Variants in ZNF10 observed in about 807,000 individuals in gnomAD.
ZNF10 encodes zinc finger protein 10 (KOX 1).
A neutral mutation model predicts 12.2 loss-of-function variants in ZNF10; 8 were observed. The observed-to-expected ratio is 0.66, with a 90% CI of 0.39 to 1.18. The LOEUF is 1.18. Among genes scored for constraint, ZNF10 ranks in the 50% most tolerant of loss-of-function variants. The pLI is 0.01. For missense variants in ZNF10, 603 were observed against 678.9 expected, an observed-to-expected ratio of 0.89 and a Z score of 1.24; for synonymous variants, 229 against 228.2, an observed-to-expected ratio of 1.00 and a Z score of -0.03.
chr12:133,157,642 A>T lies in ZNF10; in HGVS notation c.*674A>T, dbSNP rs976097958. 4.6e-5 allele frequency: 7 copies of T among 152,238 alleles called. No individual in the cohort carries two copies. Among genetic ancestry groups the T allele is most frequent in the African/African-American group, 1.7e-4 (7 of 41,464 alleles). 9.4% of individuals were successfully genotyped at this position (152,238 alleles called of 1,614,324 possible). A position where few individuals can be genotyped will look rare whatever the true frequency, so the allele number is the denominator to read the frequency against. On this transcript the variant is annotated 3_prime_UTR_variant, in exon 5 of 5. Coordinates refer to ENST00000248211, the MANE Select transcript of ZNF10 (RefSeq NM_015394.5). ...TAAGGAGATTTTGACTGAGTTTTAT[A>T]GTCTGTTTAATGTTGCTGTAATAAT...
intron 2 of ZNF10, among the ~76,000 whole-genome samples, chr12:133,147,695 G>A (rs955110823): frequency 2.1e-5 from 3 of 143,874 alleles, no homozygotes; most frequent in Admixed American, 7.1e-5. Context: ...TCACTGCAAC[G>A]TTTGCCTTCT....
intron 4 of ZNF10, among the ~76,000 whole-genome samples, 180 bp from the exon 5 acceptor site, chr12:133,155,323 T>C (rs1288017498): frequency 6.6e-6 from 1 of 152,198 alleles, no homozygotes; most frequent in Non-Finnish European, 1.5e-5. Context: ...GTGAGTACTG[T>C]ATACCACAAT....
intron 1 of ZNF10, among the ~76,000 whole-genome samples, chr12:133,140,811 T>A (rs1346209974): frequency 6.6e-6 from 1 of 152,186 alleles, no homozygotes; most frequent in Non-Finnish European, 1.5e-5. Flanking sequence ...GATTTAAGGG[T>A]TTCCTTTTCA....
Position 133,141,278 on chromosome 12 carries a change from A to G in ZNF10, c.-59-3156A>G, listed in dbSNP as rs1272416348. The stretch of plus-strand genomic sequence containing the variant: ...AAAGCTTAAGGAAATTTATAGTACT[A>G]TAAAAATATCCAGCATCCAATACAA... On this transcript the variant is annotated intron_variant, in intron 1 of 4. Transcript: ENST00000248211. 5.9e-5 allele frequency among the ~76,000 whole-genome samples: 9 copies of G among 152,356 alleles called. No individual in the cohort carries two copies. In the South Asian group the frequency reaches 1.0e-3, roughly 18 times the overall value.
chr12:133,156,433 A>C lies in ZNF10; in HGVS notation c.1187A>C (p.Gln396Pro). ...FRQSTHLILH[Q>P]RTHVRVRPYE... ...CAGAGCACACATCTCATTCTGCATCAGAGAACCCATGTGAGAGTGAGGCCC... is the reference window on the plus strand; with the variant it reads ...CAGAGCACACATCTCATTCTGCATCCGAGAACCCATGTGAGAGTGAGGCCC... Residue 396 changes from glutamine to proline, a missense_variant, in exon 5 of 5, where the codon CAG becomes CCG. Around this residue, in one of 3 missense-constraint regions of ZNF10, gnomAD observed 204 missense variants for 262.8 expected, o/e 0.78. Transcript: ENST00000248211. 6.2e-7 allele frequency: 1 copy of C among 1,613,588 alleles called. No homozygotes were observed. The highest frequency in any genetic ancestry group is 8.5e-7 in the Non-Finnish European group (1 of 1,179,726).
chr12:133,140,214 A>G (rs1282662529), intron 1 of ZNF10, among the ~76,000 whole-genome samples: 3 of 142,592 alleles, frequency 2.1e-5, no homozygotes, highest in Non-Finnish European at 3.1e-5. Flanking sequence ...AAAAAAAAAA[A>G]AAAAAAAAAA....
intron 1 of ZNF10, among the ~76,000 whole-genome samples, chr12:133,135,165 A>G (rs1159938014): frequency 6.6e-6 from 1 of 152,182 alleles, no homozygotes; most frequent in Non-Finnish European, 1.5e-5. Flanking sequence ...ATGCCTTTTG[A>G]TCTTAGTGTG....
chr12:133,141,128 G>A (rs1955942368), intron 1 of ZNF10, among the ~76,000 whole-genome samples: 1 of 152,134 alleles, frequency 6.6e-6, no homozygotes, highest in Admixed American at 6.5e-5. Flanking sequence ...CTATCAAGAA[G>A]GTCTTGCTTC....
chr12:133,137,840 A>G (rs2135458015), intron 1 of ZNF10, among the ~76,000 whole-genome samples: 2 of 152,330 alleles, frequency 1.3e-5, no homozygotes, highest in East Asian at 3.9e-4. Context: ...TGTTTCCTCA[A>G]AAACAAACAA....
intron 1 of ZNF10, chr12:133,143,702 G>A (rs898542181): frequency 3.9e-5 from 6 of 152,208 alleles, no homozygotes; most frequent in Non-Finnish European, 5.9e-5. Flanking sequence ...GTTGCTTGTA[G>A]CATATACCAC....
rs1314716150 is a variant in ZNF10 at position 133,156,695 on chromosome 12, C to T, written c.1449C>T (p.His483=). Residue 483 remains histidine, a synonymous_variant, in exon 5 of 5, where the codon CAC becomes CAT. Transcript: ENST00000248211. The part of the protein sequence containing the change: ...SSALIVHQRI[H]TGEKPYECCQ... The stretch of plus-strand genomic sequence containing the variant: ...CCCTTATTGTGCATCAGAGGATACA[C>T]ACTGGAGAGAAACCATATGAATGCT... The T allele has an allele frequency of 1.2e-6, 2 of 1,613,846 alleles. No individual in the cohort carries two copies. Among genetic ancestry groups the T allele is most frequent in the African/African-American group, 1.3e-5 (1 of 74,892 alleles).
intron 1 of ZNF10, among the ~76,000 whole-genome samples, chr12:133,131,343 C>T (rs1275380964): frequency 5.4e-5 from 4 of 74,624 alleles, no homozygotes; most frequent in Admixed American, 2.2e-4. Flanking sequence ...GATATATATA[C>T]GCCATCTAAC....
At position 133,158,896 on chromosome 12, in the gene ZNF10, C is replaced by T. The variant is rs546577667; in HGVS notation, c.*1928C>T. On this transcript the variant is annotated 3_prime_UTR_variant, in exon 5 of 5. Coordinates refer to ENST00000248211, the MANE Select transcript of ZNF10 (RefSeq NM_015394.5). ...ATTTTCAGTGAAGTCAGACTCAGAA[C>T]TAGGTCCTGGGTTTCATGTTTCCTG... The T allele has an allele frequency of 1.3e-5, 2 of 152,398 alleles. No homozygotes were observed. The highest frequency in any genetic ancestry group is 4.1e-4 in the South Asian group (2 of 4,828). 9.4% of individuals were successfully genotyped at this position (152,398 alleles called of 1,614,324 possible). A position where few individuals can be genotyped will look rare whatever the true frequency, so the allele number is the denominator to read the frequency against.
At chr12:133,152,174 C>T (rs941665573) in intron 4 of ZNF10, among the ~76,000 whole-genome samples, 18 of 152,332 alleles carry the variant, frequency 1.2e-4, no homozygotes, top group African/African-American at 3.4e-4. Context: ...CTTGTGCTTT[C>T]GTTTGTCATA....
Position 133,157,101 on chromosome 12 carries a change from T to C in ZNF10, c.*133T>C. 2 of 820,278 alleles carry C rather than the reference T, an allele frequency of 2.4e-6. No individual in the cohort carries two copies. The highest frequency in any genetic ancestry group is 3.3e-6 in the Non-Finnish European group (2 of 603,204). 50.8% of individuals were successfully genotyped at this position (820,278 alleles called of 1,614,324 possible). A position where few individuals can be genotyped will look rare whatever the true frequency, so the allele number is the denominator to read the frequency against. On this transcript the variant is annotated 3_prime_UTR_variant, in exon 5 of 5. Transcript: ENST00000248211. ...TACTATCCTATTGCACATTAGAGAATTGGTCCTGGAAGGGAAAGAAACCAC... is the reference window on the plus strand; with the variant it reads ...TACTATCCTATTGCACATTAGAGAACTGGTCCTGGAAGGGAAAGAAACCAC...
chr12:133,152,505 C>G (rs947736937), intron 4 of ZNF10, among the ~76,000 whole-genome samples: 1 of 152,194 alleles, frequency 6.6e-6, no homozygotes, highest in Admixed American at 6.5e-5. Flanking sequence ...ACCTCCGCCT[C>G]CCAGGTTTAA....
In ZNF10 at chr12:133,155,714, A is replaced by G; in HGVS notation, c.468A>G (p.Lys156=). ...GGCAAGTGGCATTCACCCAAAAGAA[A>G]GTACTTACTCAGGAGAGAGTCTCTG... ...HLRQVAFTQK[K]VLTQERVSES... Residue 156 remains lysine, a synonymous_variant, in exon 5 of 5, where the codon AAA becomes AAG. Coordinates refer to ENST00000248211, the MANE Select transcript of ZNF10 (RefSeq NM_015394.5). 6.2e-7 allele frequency: 1 copy of G among 1,611,972 alleles called. No individual in the cohort carries two copies. The highest frequency in any genetic ancestry group is 1.1e-5 in the South Asian group (1 of 90,558).
chr12:133,145,944 T>C (rs747736033), intron 2 of ZNF10, among the ~76,000 whole-genome samples: 6 of 152,208 alleles, frequency 3.9e-5, no homozygotes, highest in Non-Finnish European at 7.3e-5. Context: ...CCCCATGATA[T>C]GCTTTGTCTC....
chr12:133,137,241 A>G lies in ZNF10; in HGVS notation c.-60+6487A>G, dbSNP rs561029467. 2.6e-5 allele frequency among the ~76,000 whole-genome samples: 4 copies of G among 152,216 alleles called. No homozygotes were observed. In the South Asian group the frequency reaches 6.2e-4, roughly 24 times the overall value. ...CCTGGTTTTTTTTGGGGCTACTATT[A>G]TATCTTCCTCTAGTCCATTACACAG... On this transcript the variant is annotated intron_variant, in intron 1 of 4. Transcript: ENST00000248211.
Sources: allele counts gnomAD v4.1 joint callset (sites outside exome capture counted in the v4.1 genomes callset), GRCh38; gene constraint gnomAD v4.1.1; regional missense constraint gnomAD v4.1.1; transcripts MANE v1.5; gene names NCBI Gene and HGNC (gene_info 2026-07-23, HGNC 2026-07-21).